The following WDR76 variants were observed in gnomAD, a reference collection of about 807,000 sequenced individuals.
WDR76 encodes WD repeat-containing protein 76.
WDR76 carries 52 observed loss-of-function variants against 70.2 expected under a neutral mutation model. The ratio of observed to expected loss-of-function variants is 0.74; its 90% confidence interval spans 0.59 to 0.93. WDR76 has a LOEUF of 0.93. Ranked by LOEUF, WDR76 falls within the 40% of genes least tolerant of loss-of-function variation. WDR76 has a pLI of 0.00. For missense variants in WDR76, 756 were observed against 760.2 expected, an observed-to-expected ratio of 0.99 and a Z score of 0.07; for synonymous variants, 292 against 271.1, an observed-to-expected ratio of 1.08 and a Z score of -0.76.
intron 2 of WDR76, among the ~76,000 whole-genome samples, chr15:43,829,575 C>T (rs1242859923): frequency 3.7e-5 from 5 of 136,414 alleles, no homozygotes; most frequent in East Asian, 4.6e-4. Flanking sequence ...GGCATGATCT[C>T]GGCTTACTGC....
Position 43,866,460 on chromosome 15 carries a change from C to T in WDR76, c.*68C>T. ...TCTAAGGAGCCTAGTAATCGGCGTG[C>T]CTTAGTGTGTTTATGTGGTAATGTG... is the stretch of plus-strand genomic sequence containing the variant. On this transcript the variant is annotated 3_prime_UTR_variant, in exon 13 of 13. Coordinates refer to ENST00000263795, the MANE Select transcript of WDR76 (RefSeq NM_024908.4). 6.4e-7 allele frequency: 1 copy of T among 1,559,192 alleles called. No individual in the cohort carries two copies. Among genetic ancestry groups the T allele is most frequent in the Non-Finnish European group, 8.8e-7 (1 of 1,139,920 alleles).
Position 43,827,941 on chromosome 15 carries a change from G to A in WDR76, c.61-24G>A, listed in dbSNP as rs778774084. On this transcript the variant is annotated intron_variant, in intron 1 of 12. Coordinates refer to ENST00000263795, the MANE Select transcript of WDR76 (RefSeq NM_024908.4). ...ACAGGACTTGGAGTTCTAATATTCT[G>A]TTTTCTTTTATTGATCTGAATAGGT... 20 of 1,568,366 alleles carry A rather than the reference G, an allele frequency of 1.3e-5. No homozygotes were observed. In the South Asian group the frequency reaches 2.3e-4, roughly 18 times the overall value.
intron 1 of WDR76, 86 bp from the exon 2 acceptor site, chr15:43,827,879 A>T (rs1421682762): frequency 7.5e-7 from 1 of 1,337,496 alleles, no homozygotes; most frequent in Non-Finnish European, 1.0e-6. Context: ...GGGAAATGGG[A>T]ATTATTAGAT....
At position 43,866,196 on chromosome 15, in the gene WDR76, G is replaced by A; in HGVS notation, c.1685G>A (p.Cys562Tyr). 6.2e-7 allele frequency: 1 copy of A among 1,614,186 alleles called. No homozygotes were observed. Among genetic ancestry groups the A allele is most frequent in the South Asian group, 1.1e-5 (1 of 91,086 alleles). Residue 562 changes from cysteine (C) to tyrosine (Y), a missense_variant, in exon 13 of 13, where the codon TGT (cysteine) becomes TAT (tyrosine). Coordinates refer to ENST00000263795, the MANE Select transcript of WDR76 (RefSeq NM_024908.4). ...ATGTGGGATCCTAAACAAGAAGACTGTGTCATAGTTGGCAGCATGGCCCAT... is the reference window on the plus strand; with the variant it reads ...ATGTGGGATCCTAAACAAGAAGACTATGTCATAGTTGGCAGCATGGCCCAT... The part of the protein sequence containing the change: ...QAMWDPKQED[C>Y]VIVGSMAHPR...
At chr15:43,854,565 C>G (rs2087905766) in intron 9 of WDR76, among the ~76,000 whole-genome samples, 1 of 151,694 alleles carries the variant, frequency 6.6e-6, no homozygotes, top group African/African-American at 2.4e-5. Flanking sequence ...GGGAGACTCT[C>G]AAAAAAAGTT....
rs932920207 is a variant in WDR76 at position 43,851,074 on chromosome 15, A to G, written c.1033-13A>G. 3.2e-5 allele frequency: 52 copies of G among 1,612,074 alleles called. No individual in the cohort carries two copies. Among genetic ancestry groups the G allele is most frequent in the Non-Finnish European group, 4.4e-5 (52 of 1,178,826 alleles). On this transcript the variant is annotated splice_polypyrimidine_tract_variant and intron_variant, in intron 8 of 12. Coordinates refer to ENST00000263795, the MANE Select transcript of WDR76 (RefSeq NM_024908.4). ...TTTTTTTCTCTCTCCCCTTTCCCGC[A>G]ACTCTCTTCCAGACCCAGCAACCTA...
At chr15:43,829,894 A>G (rs1026836420) in intron 2 of WDR76, among the ~76,000 whole-genome samples, 4 of 152,082 alleles carry the variant, frequency 2.6e-5, no homozygotes, top group African/African-American at 7.2e-5. Flanking sequence ...ACTTTAGGCT[A>G]TATCAGAATT....
chr15:43,863,651 C>T (rs115875314), intron 12 of WDR76, among the ~76,000 whole-genome samples: 199 of 152,140 alleles, frequency 1.3e-3, no homozygotes, highest in African/African-American at 4.7e-3. Context: ...CCTCAATCTC[C>T]TGGACTTGAG....
chr15:43,832,315 G>T (rs2087599091), intron 2 of WDR76, among the ~76,000 whole-genome samples: 1 of 151,926 alleles, frequency 6.6e-6, no homozygotes, highest in Non-Finnish European at 1.5e-5. Context: ...GCCCAGGAGT[G>T]CAAGGCTGCA....
chr15:43,837,876 GC>G (rs1296812395), intron 4 of WDR76, among the ~76,000 whole-genome samples: 6 of 94,784 alleles, frequency 6.3e-5, no homozygotes, highest in Non-Finnish European at 9.3e-5. Flanking sequence ...TTTATTTATT[GC>G]TTTTTTTTTT....
rs753775585 is a variant in WDR76 at position 43,839,675 on chromosome 15, G to A, written c.679G>A (p.Gly227Arg). 1 of 1,612,484 alleles carries A rather than the reference G, an allele frequency of 6.2e-7. No individual in the cohort carries two copies. Among genetic ancestry groups the A allele is most frequent in the Admixed American group, 1.7e-5 (1 of 59,928 alleles). The change falls in exon 5 of 13, where the codon GGA becomes AGA. Residue 227 changes from glycine (G) to arginine (R), a missense_variant. By Grantham distance (125) the Gly-to-Arg change is moderately radical. Coordinates refer to ENST00000263795, the MANE Select transcript of WDR76 (RefSeq NM_024908.4). ...SMRLLKVDPS[G>R]VSLPAAPTPP... is the part of the protein sequence containing the mutation. The stretch of plus-strand genomic sequence containing the variant: ...GCGATTACTAAAAGTTGATCCTTCG[G>A]GAGTTTCATTACCAGCAGCTCCAAC...
Position 43,857,496 on chromosome 15 carries a change from CT to C in WDR76, c.1409+339del, listed in dbSNP as rs201371275. ...CCTATAACTTGTTGGCCTGTGTTAA[CT>C]TTTTTCTAGGAAGGATTGAAAAACC... On this transcript the variant is annotated intron_variant, in intron 10 of 12. Transcript: ENST00000263795. 203 of 985,284 alleles carry C rather than the reference CT, an allele frequency of 2.1e-4. 1 individual carries two copies. The East Asian group carries it at 0.02, about 96-fold the overall frequency. 61.0% of individuals were successfully genotyped at this position (985,284 alleles called of 1,614,324 possible). A position where few individuals can be genotyped will look rare whatever the true frequency, so the allele number is the denominator to read the frequency against.
At chr15:43,857,999 C>G (rs1285518104) in intron 10 of WDR76, among the ~76,000 whole-genome samples, 5 of 120,876 alleles carry the variant, frequency 4.1e-5, no homozygotes, top group African/African-American at 1.5e-4. Context: ...GAATCTTACT[C>G]TCAGCTCACT....
At chr15:43,829,368 G>C (rs1464687573) in intron 2 of WDR76, among the ~76,000 whole-genome samples, 1 of 151,988 alleles carries the variant, frequency 6.6e-6, no homozygotes. Context: ...ATAATTGAAG[G>C]CTTGTTGTTA....
At position 43,827,012 on chromosome 15, in the gene WDR76, C is replaced by T. The variant is rs199779227; in HGVS notation, c.-21C>T. 2.5e-6 allele frequency: 4 copies of T among 1,612,720 alleles called. No individual in the cohort carries two copies. The highest frequency in any genetic ancestry group is 1.1e-5 in the South Asian group (1 of 91,066). The stretch of plus-strand genomic sequence containing the variant: ...CGCCGCAATCTTGGCGGGAAGGCGC[C>T]GGCCGCTAAGAAGCCGAAAGATGTC... On this transcript the variant is annotated 5_prime_UTR_variant, in exon 1 of 13. Coordinates refer to ENST00000263795, the MANE Select transcript of WDR76 (RefSeq NM_024908.4).
At chr15:43,843,774 T>C (rs1449771788) in intron 7 of WDR76, 127 bp from the exon 8 acceptor site, 2 of 820,150 alleles carry the variant, frequency 2.4e-6, no homozygotes, top group African/African-American at 3.5e-5. Flanking sequence ...TTTCCTTGGT[T>C]ACCAGGAGAT....
At chr15:43,861,892 A>G (rs993978521) in intron 12 of WDR76, among the ~76,000 whole-genome samples, 2 of 138,480 alleles carry the variant, frequency 1.4e-5, no homozygotes, top group Admixed American at 1.6e-4. Context: ...GCTGGAGTGC[A>G]GTGGCGTGAT....
chr15:43,838,100 C>G (rs528402204), intron 4 of WDR76, among the ~76,000 whole-genome samples: 1 of 152,150 alleles, frequency 6.6e-6, no homozygotes, highest in Non-Finnish European at 1.5e-5. Flanking sequence ...GTCTCAATCT[C>G]CTGACCTCGT....
At chr15:43,828,625 C>G (rs1294515575) in intron 2 of WDR76, among the ~76,000 whole-genome samples, 2 of 152,132 alleles carry the variant, frequency 1.3e-5, no homozygotes, top group African/African-American at 4.8e-5. Flanking sequence ...TTTCTCTAAA[C>G]TAACTGCATA....
Sources: gnomAD v4.1 joint callset for allele counts (sites outside exome capture counted in the v4.1 genomes callset) on GRCh38, gnomAD v4.1.1 for gene constraint, MANE v1.5 for transcripts, NCBI Gene and HGNC (gene_info 2026-07-23, HGNC 2026-07-21) for gene names.